NGEF: variants seen among roughly 807,000 people sequenced by gnomAD.
NGEF encodes ephexin-1.
A neutral mutation model predicts 80.9 loss-of-function variants in NGEF; 31 were observed. The ratio of observed to expected loss-of-function variants is 0.38; its 90% CI spans 0.29 to 0.52. NGEF has a LOEUF of 0.52. Ranked by LOEUF, NGEF falls within the 20% of genes least tolerant of loss-of-function variation. NGEF has a pLI of 0.84. For missense variants in NGEF, 709 were observed against 926.2 expected (o/e 0.77, Z 3.04); for synonymous variants, 371 against 370.2 (o/e 1.00, Z -0.03).
rs1553559387 is a variant in NGEF at position 232,993,004 on chromosome 2, T to TATAC, written c.-74-18041_-74-18040insGTAT. Among the ~76,000 whole-genome samples the TATAC allele has an allele frequency of 6.6e-3, 910 of 138,168 alleles. 12 individuals are homozygous for TATAC. Among genetic ancestry groups the TATAC allele is most frequent in the Middle Eastern group, 0.025 (7 of 280 alleles). 90.6% of individuals were successfully genotyped at this position (138,168 alleles called of 152,430 possible). The stretch of plus-strand genomic sequence containing the variant: ...CCTGCCTGAAGTATATATATATATA[T>TATAC]ACACACACACACACACGCACATAAA... On this transcript the variant is annotated intron_variant, in intron 1 of 14. Coordinates refer to ENST00000264051, the MANE Select transcript of NGEF (RefSeq NM_019850.3).
intron 5 of NGEF, 63 bp downstream of exon 5, chr2:232,920,221 C>A: frequency 6.6e-7 from 1 of 1,521,618 alleles, no homozygotes; most frequent in South Asian, 1.2e-5. Context: ...GAAGCCTCAC[C>A]CCCAGCAGTG....
intron 3 of NGEF, among the ~76,000 whole-genome samples, chr2:232,950,293 T>C (rs1198243080): frequency 6.6e-6 from 1 of 152,246 alleles, no homozygotes; most frequent in African/African-American, 2.4e-5. Context: ...TTTCTCTAAC[T>C]GATTTGTGAA....
chr2:232,971,076 G>C (rs200212746), intron 2 of NGEF, among the ~76,000 whole-genome samples: 1 of 139,322 alleles, frequency 7.2e-6, no homozygotes, highest in Non-Finnish European at 1.6e-5. Context: ...CTGCTCACCC[G>C]GGGGTGGGAT....
At chr2:233,008,182 T>A (rs932996084) in intron 1 of NGEF, among the ~76,000 whole-genome samples, 6 of 152,242 alleles carry the variant, frequency 3.9e-5, no homozygotes, top group Non-Finnish European at 7.3e-5. Context: ...GAATCTATTT[T>A]CGCTCAGCAA....
intron 3 of NGEF, among the ~76,000 whole-genome samples, chr2:232,930,597 T>A (rs1031975001): frequency 2.6e-5 from 4 of 152,076 alleles, no homozygotes; most frequent in African/African-American, 7.2e-5. Context: ...TGCCTTGGCC[T>A]CCCAAAGTGC....
At chr2:232,899,657 T>C (rs1407086243) in intron 5 of NGEF, among the ~76,000 whole-genome samples, 3 of 80,160 alleles carry the variant, frequency 3.7e-5, no homozygotes, top group South Asian at 3.9e-4. Flanking sequence ...TTCACTCACA[T>C]TCACTCACAC....
At chr2:232,933,944 G>A (rs1693271666) in intron 3 of NGEF, among the ~76,000 whole-genome samples, 1 of 152,170 alleles carries the variant, frequency 6.6e-6, no homozygotes, top group Non-Finnish European at 1.5e-5. Context: ...TCAGGAGCCA[G>A]ACAAAAACCC....
intron 5 of NGEF, among the ~76,000 whole-genome samples, 186 bp downstream of exon 5, chr2:232,920,098 C>T (rs977447508): frequency 6.6e-6 from 1 of 152,208 alleles, no homozygotes; most frequent in Admixed American, 6.5e-5. Flanking sequence ...TAGAAGGTAG[C>T]TGGGTGTCTC....
intron 14 of NGEF, among the ~76,000 whole-genome samples, 200 bp downstream of exon 14, chr2:232,880,946 G>A (rs1691482087): frequency 1.3e-5 from 2 of 152,196 alleles, no homozygotes; most frequent in African/African-American, 4.8e-5. Flanking sequence ...GGGAGGCACT[G>A]GAAACAATTC....
intron 14 of NGEF, among the ~76,000 whole-genome samples, chr2:232,879,886 C>T (rs964026208): frequency 7.2e-5 from 11 of 152,184 alleles, no homozygotes; most frequent in Admixed American, 2.0e-4. Context: ...AGCACCTGCA[C>T]GGAACAAGGC....
chr2:232,879,408 G>T lies in NGEF; in HGVS notation c.*81C>A, dbSNP rs1328278283. The T allele has an allele frequency of 7.2e-7, 1 of 1,397,648 alleles. No individual in the cohort carries two copies. The highest frequency in any genetic ancestry group is 1.7e-5 in the African/African-American group (1 of 60,440). 86.6% of individuals were successfully genotyped at this position (1,397,648 alleles called of 1,614,324 possible). A position where few individuals can be genotyped will look rare whatever the true frequency, so the allele number is the denominator to read the frequency against. ...CTGCCACCTGGGGAGGTGCTGGCCT[G>T]TGCTTCCCAGAGCCCCCCCCCCCCC... On this transcript the variant is annotated 3_prime_UTR_variant, in exon 15 of 15. Transcript: ENST00000264051.
At chr2:232,898,471 C>T (rs1692167303) in intron 5 of NGEF, among the ~76,000 whole-genome samples, 1 of 152,242 alleles carries the variant, frequency 6.6e-6, no homozygotes, top group African/African-American at 2.4e-5. Flanking sequence ...TCTCACCCCT[C>T]CTCATCCATT....
intron 3 of NGEF, among the ~76,000 whole-genome samples, chr2:232,947,068 AG>A (rs756804677): frequency 6.6e-6 from 1 of 152,238 alleles, no homozygotes; most frequent in East Asian, 1.9e-4. Context: ...CATGGTTGAA[AG>A]GCTAATAGGA....
chr2:232,979,073 CAG>C (rs1208411735), intron 1 of NGEF, among the ~76,000 whole-genome samples: 1 of 152,126 alleles, frequency 6.6e-6, no homozygotes, highest in African/African-American at 2.4e-5. Flanking sequence ...GGCACTGGGC[CAG>C]GAGTCAGGGG....
chr2:233,011,253 A>G (rs890596549), intron 1 of NGEF, among the ~76,000 whole-genome samples: 1 of 151,834 alleles, frequency 6.6e-6, no homozygotes, highest in South Asian at 2.1e-4. Flanking sequence ...CACAGCAATT[A>G]TCTATGAAGG....
intron 1 of NGEF, among the ~76,000 whole-genome samples, chr2:233,006,065 C>T (rs554285483): frequency 1.3e-5 from 2 of 152,226 alleles, no homozygotes; most frequent in African/African-American, 2.4e-5. Context: ...GATCCGCCCA[C>T]CTTGGCCTCC....
chr2:232,935,665 G>A (rs947945344), intron 3 of NGEF, among the ~76,000 whole-genome samples: 2 of 152,120 alleles, frequency 1.3e-5, no homozygotes, highest in Non-Finnish European at 2.9e-5. Flanking sequence ...GCTAATGGCA[G>A]CTCTGGAAAT....
chr2:232,903,229 A>G (rs1575005310), intron 5 of NGEF, among the ~76,000 whole-genome samples: 2 of 151,202 alleles, frequency 1.3e-5, no homozygotes, highest in East Asian at 3.9e-4. Flanking sequence ...TCAATCTTCC[A>G]TGAGTATAAA....
At chr2:232,918,434 G>C (rs1243217200) in intron 5 of NGEF, among the ~76,000 whole-genome samples, 1 of 152,036 alleles carries the variant, frequency 6.6e-6, no homozygotes, top group East Asian at 1.9e-4. Context: ...TAATGGAGGA[G>C]TGTAAGCCGT....
Sources: allele counts gnomAD v4.1 joint callset (sites outside exome capture counted in the v4.1 genomes callset), GRCh38; gene constraint gnomAD v4.1.1; transcripts MANE v1.5; gene names NCBI Gene and HGNC (gene_info 2026-07-23, HGNC 2026-07-21).